KLF17: variants seen among roughly 807,000 people sequenced by gnomAD.
KLF17 encodes Krueppel-like factor 17.
In KLF17, 31 loss-of-function variants were observed where a neutral mutation model predicts 34.2. The observed-to-expected ratio is 0.91, with a 90% CI of 0.68 to 1.22. The LOEUF (loss-of-function observed/expected upper bound fraction) is 1.22. KLF17 is among the 50% of genes most tolerant of loss of function. The pLI is 0.00. For missense variants in KLF17, 478 were observed against 505.2 expected (o/e 0.95, Z 0.52); for synonymous variants, 179 against 186.7 (o/e 0.96, Z 0.34).
chr1:44,072,127 G>C, the KLF17 span, among the ~76,000 whole-genome samples: 1 of 152,024 alleles, frequency 6.6e-6, no homozygotes, highest in Non-Finnish European at 1.5e-5. Flanking sequence ...ACTTGTTGAT[G>C]GATTTGGGTG....
At chr1:44,127,641 T>TC (rs1491229186) in intron 1 of KLF17, among the ~76,000 whole-genome samples, 1 of 49,230 alleles carries the variant, frequency 2.0e-5, no homozygotes, top group Non-Finnish European at 3.8e-5. Flanking sequence ...TTTCTTTCCT[T>TC]CTTTCTTTCT....
At chr1:44,095,365 G>A in the KLF17 span, among the ~76,000 whole-genome samples, 4 of 151,990 alleles carry the variant, frequency 2.6e-5, no homozygotes, top group South Asian at 2.1e-4. Flanking sequence ...ACAGGCATGC[G>A]CCACTGCATC....
the KLF17 span, among the ~76,000 whole-genome samples, chr1:44,071,586 G>A: frequency 6.6e-6 from 1 of 151,888 alleles, no homozygotes; most frequent in African/African-American, 2.4e-5. Flanking sequence ...AGTCCTGTTG[G>A]CTCCCCTTCC....
chr1:44,109,503 A>G, the KLF17 span, among the ~76,000 whole-genome samples: 2 of 152,256 alleles, frequency 1.3e-5, no homozygotes, highest in Non-Finnish European at 2.9e-5. Context: ...CCTAAAAAGT[A>G]ACATCTTTTT....
the KLF17 span, among the ~76,000 whole-genome samples, chr1:44,056,930 C>T: frequency 6.6e-6 from 1 of 151,862 alleles, no homozygotes; most frequent in Non-Finnish European, 1.5e-5. Context: ...CCAGCTGTTA[C>T]TTTTAAAGTA....
chr1:44,075,113 G>GCACACACACACACACA, the KLF17 span: 18 of 146,518 alleles, frequency 1.2e-4, no homozygotes, highest in African/African-American at 2.3e-4. Context: ...CTAACAAAAT[G>GCACACACACACACACA]CACACACACA....
the KLF17 span, among the ~76,000 whole-genome samples, chr1:44,058,712 C>T: frequency 8.6e-5 from 10 of 115,904 alleles, no homozygotes; most frequent in Admixed American, 7.6e-4. Context: ...TTTCCCGAGA[C>T]GGAGTCTCGC....
the KLF17 span, among the ~76,000 whole-genome samples, chr1:44,091,882 G>A: frequency 6.9e-6 from 1 of 145,034 alleles, no homozygotes; most frequent in Non-Finnish European, 1.5e-5. Context: ...CTGCACCCCA[G>A]CCTGGGGGGT....
chr1:44,104,693 G>C, the KLF17 span: 11 of 402,396 alleles, frequency 2.7e-5, no homozygotes, highest in South Asian at 2.5e-4. Context: ...GGGCCCACTC[G>C]TATAGGAGCG....
chr1:44,133,693 A>G lies in KLF17; in HGVS notation c.*456A>G, dbSNP rs1198366522. On this transcript the variant is annotated 3_prime_UTR_variant, in exon 4 of 4. Coordinates refer to ENST00000372299, the MANE Select transcript of KLF17 (RefSeq NM_173484.4). ...CTATCTGGGCCTCTGGGGAAGCCCCACAGCCTTGGCTGTGCCTGCCCCTGC... is the reference window on the plus strand; with the variant it reads ...CTATCTGGGCCTCTGGGGAAGCCCCGCAGCCTTGGCTGTGCCTGCCCCTGC... 1 of 152,322 alleles carries G rather than the reference A, an allele frequency of 6.6e-6. No homozygotes were observed. The highest frequency in any genetic ancestry group is 1.5e-5 in the Non-Finnish European group (1 of 68,124). 9.4% of individuals were successfully genotyped at this position (152,322 alleles called of 1,614,324 possible).
the KLF17 span, among the ~76,000 whole-genome samples, chr1:44,080,236 C>CTTTT: frequency 1.1e-4 from 10 of 94,136 alleles, no homozygotes; most frequent in African/African-American, 2.1e-4. Flanking sequence ...CCCTCTGTGT[C>CTTTT]TTTTTTTTTT....
the KLF17 span, among the ~76,000 whole-genome samples, chr1:44,107,649 C>T: frequency 6.6e-6 from 1 of 152,140 alleles, no homozygotes; most frequent in South Asian, 2.1e-4. Context: ...GTCTATGCTA[C>T]CCTTCATTGG....
chr1:44,122,254 C>T (rs771034342), intron 1 of KLF17: 85 of 1,603,636 alleles, frequency 5.3e-5, no homozygotes, highest in Non-Finnish European at 6.7e-5. Flanking sequence ...TTAGATTTCA[C>T]CTTAGGTTCA....
intron 3 of KLF17, among the ~76,000 whole-genome samples, chr1:44,132,556 G>T (rs559022740): frequency 1.3e-5 from 2 of 152,000 alleles, no homozygotes; most frequent in African/African-American, 4.8e-5. Context: ...ATTCTTTCCC[G>T]CCTTTCTTCC....
chr1:44,095,937 TG>T, the KLF17 span, among the ~76,000 whole-genome samples: 1 of 152,062 alleles, frequency 6.6e-6, no homozygotes, highest in Non-Finnish European at 1.5e-5. Flanking sequence ...GTTTTTTGTT[TG>T]TTTGTTTTGT....
At chr1:44,090,971 C>A in the KLF17 span, among the ~76,000 whole-genome samples, 1 of 151,642 alleles carries the variant, frequency 6.6e-6, no homozygotes, top group African/African-American at 2.4e-5. Flanking sequence ...CACACACACA[C>A]ACAGAGCCAT....
chr1:44,066,652 A>C, the KLF17 span, among the ~76,000 whole-genome samples: 7 of 152,188 alleles, frequency 4.6e-5, no homozygotes, highest in African/African-American at 1.7e-4. Flanking sequence ...ACATACCCAG[A>C]TATTCGACTC....
At chr1:44,096,547 C>A in the KLF17 span, among the ~76,000 whole-genome samples, 1 of 151,840 alleles carries the variant, frequency 6.6e-6, no homozygotes, top group Admixed American at 6.6e-5. Flanking sequence ...TACAGGCGCC[C>A]ACCACCACGC....
At chr1:44,102,615 G>T in the KLF17 span, among the ~76,000 whole-genome samples, 1 of 70,116 alleles carries the variant, frequency 1.4e-5, no homozygotes, top group African/African-American at 4.8e-5. Flanking sequence ...CACACACACA[G>T]AAAAGAAAAA....
Sources: gnomAD v4.1 joint callset for allele counts (sites outside exome capture counted in the v4.1 genomes callset) on GRCh38, gnomAD v4.1.1 for gene constraint, MANE v1.5 for transcripts, NCBI Gene and HGNC (gene_info 2026-07-23, HGNC 2026-07-21) for gene names.